Variants in WDR17 observed in about 807,000 individuals in gnomAD.
The protein encoded by WDR17 is WD repeat-containing protein 17.
Under a neutral mutation model 161.7 loss-of-function variants are expected in WDR17, and 143 were observed. That is an observed-to-expected ratio of 0.88 (90% confidence interval 0.77 to 1.02). The LOEUF (loss-of-function observed/expected upper bound fraction) is 1.02. Among genes scored for constraint, WDR17 ranks in the 50% least tolerant of loss-of-function variants. The pLI is 0.00. For missense variants in WDR17, 1,469 were observed against 1,520.9 expected (o/e 0.97, Z 0.57); for synonymous variants, 517 against 515.6 (o/e 1.00, Z -0.04).
intron 1 of WDR17, among the ~76,000 whole-genome samples, chr4:176,097,377 T>C (rs779283645): frequency 4.6e-5 from 7 of 152,012 alleles, no homozygotes; most frequent in Non-Finnish European, 1.0e-4. Flanking sequence ...TACAGTACTT[T>C]ATTTTTCTTT....
At chr4:176,083,877 A>G (rs989741318) in intron 1 of WDR17, among the ~76,000 whole-genome samples, 3 of 152,118 alleles carry the variant, frequency 2.0e-5, no homozygotes, top group Non-Finnish European at 4.4e-5. Flanking sequence ...GGAGGGCAGC[A>G]GTATCTCTTT....
At chr4:176,171,024 A>G (rs1460316816) in intron 23 of WDR17, among the ~76,000 whole-genome samples, 1 of 152,220 alleles carries the variant, frequency 6.6e-6, no homozygotes, top group Non-Finnish European at 1.5e-5. Flanking sequence ...CACAAAGCCT[A>G]TTTCATAATA....
At chr4:176,120,132 A>G (rs2126720796) in intron 4 of WDR17, 35 bp downstream of exon 4, 2 of 1,503,892 alleles carry the variant, frequency 1.3e-6, no homozygotes, top group East Asian at 4.6e-5. Flanking sequence ...CTTAAATAGT[A>G]TATTTTTCTT....
chr4:176,148,044 A>C, intron 12 of WDR17, 89 bp from the exon 13 acceptor site: 2 of 1,124,512 alleles, frequency 1.8e-6, no homozygotes, highest in South Asian at 4.1e-5. Context: ...TAAGCTAACA[A>C]ATAATTATTA....
At chr4:176,093,248 A>C (rs1736369216) in intron 1 of WDR17, among the ~76,000 whole-genome samples, 1 of 152,180 alleles carries the variant, frequency 6.6e-6, no homozygotes, top group Non-Finnish European at 1.5e-5. Context: ...TATTGTTAAA[A>C]TGTCTGTACT....
chr4:176,110,743 G>A (rs1739575802), intron 1 of WDR17, among the ~76,000 whole-genome samples: 1 of 152,108 alleles, frequency 6.6e-6, no homozygotes, highest in South Asian at 2.1e-4. Context: ...ATATAGTTCA[G>A]AAGCTGTATT....
Position 176,111,573 on chromosome 4 carries a change from A to G in WDR17, c.-6-2A>G. ...GACATTTCTTCAAATTTGTTTTTCA[A>G]GGCAAACATGTCCCAGGTAAGGCAA... On this transcript the variant is annotated splice_acceptor_variant, in intron 1 of 28. Transcript: ENST00000508596. LOFTEE classifies it low-confidence loss of function (5UTR_SPLICE). The G allele has an allele frequency of 6.3e-7, 1 of 1,596,072 alleles. No homozygotes were observed. Among genetic ancestry groups the G allele is most frequent in the South Asian group, 1.1e-5 (1 of 87,566 alleles).
chr4:176,143,370 A>G (rs1745602793), intron 11 of WDR17, among the ~76,000 whole-genome samples: 2 of 152,082 alleles, frequency 1.3e-5, no homozygotes, highest in Non-Finnish European at 2.9e-5. Context: ...TTCTCTGTCT[A>G]AATATTCATC....
At chr4:176,083,225 G>A (rs1734987132) in intron 1 of WDR17, among the ~76,000 whole-genome samples, 1 of 151,942 alleles carries the variant, frequency 6.6e-6, no homozygotes, top group Admixed American at 6.6e-5. Context: ...TAGGAATTTG[G>A]GTTAAATTTT....
chr4:176,173,760 C>G (rs1751080960), intron 25 of WDR17, among the ~76,000 whole-genome samples: 1 of 151,968 alleles, frequency 6.6e-6, no homozygotes, highest in Admixed American at 6.6e-5. Context: ...CGTGATCCAC[C>G]CACCTCGGCC....
chr4:176,135,827 A>T (rs768200057), intron 8 of WDR17, among the ~76,000 whole-genome samples: 3 of 151,602 alleles, frequency 2.0e-5, no homozygotes, highest in African/African-American at 7.2e-5. Context: ...TTATTTCCCC[A>T]TAACAAATAA....
At chr4:176,075,925 T>C (rs1015304714) in intron 1 of WDR17, among the ~76,000 whole-genome samples, 8 of 151,964 alleles carry the variant, frequency 5.3e-5, no homozygotes, top group African/African-American at 9.7e-5. Flanking sequence ...GAATGTGCTA[T>C]GATCGGGACA....
intron 1 of WDR17, among the ~76,000 whole-genome samples, chr4:176,098,770 TGC>T (rs1737313660): frequency 6.6e-6 from 1 of 151,998 alleles, no homozygotes; most frequent in Non-Finnish European, 1.5e-5. Flanking sequence ...ATGTATGATA[TGC>T]TTTTTATCTT....
At chr4:176,099,737 C>T (rs1737505923) in intron 1 of WDR17, among the ~76,000 whole-genome samples, 1 of 152,100 alleles carries the variant, frequency 6.6e-6, no homozygotes, top group Non-Finnish European at 1.5e-5. Flanking sequence ...CATCCACCCC[C>T]TCCCACTCCT....
At chr4:176,076,248 TATATATACAC>T (rs1337184957) in intron 1 of WDR17, among the ~76,000 whole-genome samples, 17 of 74,596 alleles carry the variant, frequency 2.3e-4, no homozygotes, top group African/African-American at 6.7e-4. Flanking sequence ...TATATATATA[TATATATACAC>T]ACACACACAC....
intron 15 of WDR17, 135 bp from the exon 16 acceptor site, chr4:176,150,333 A>C (rs906926461): frequency 3.5e-6 from 5 of 1,435,862 alleles, no homozygotes; most frequent in Non-Finnish European, 3.7e-6. Flanking sequence ...ACTAGAAACA[A>C]TACATGAGAT....
intron 10 of WDR17, among the ~76,000 whole-genome samples, chr4:176,141,671 G>T (rs1011513492): frequency 1.3e-5 from 2 of 152,090 alleles, no homozygotes; most frequent in Non-Finnish European, 2.9e-5. Context: ...GACCTCAAGT[G>T]ATCCACCCGC....
Position 176,160,987 on chromosome 4 carries a change from A to T in WDR17, c.2735A>T (p.Lys912Met). The T allele has an allele frequency of 1.2e-6, 2 of 1,609,394 alleles. No individual in the cohort carries two copies. The highest frequency in any genetic ancestry group is 1.7e-6 in the Non-Finnish European group (2 of 1,177,924). ...KGASYSDDIY[K>M]EDFNELLHKV... is the part of the protein sequence containing the mutation. ...GCTTCATATTCTGATGATATCTACA[A>T]GGAAGACTTTAATGAGTGAGTGATT... Residue 912 changes from lysine to methionine, a missense_variant, in exon 20 of 29, where the codon AAG becomes ATG. Physicochemically the swap from Lys to Met is moderately conservative, Grantham distance 95 (BLOSUM62 -1). Transcript: ENST00000508596.
chr4:176,168,694 C>T lies in WDR17; in HGVS notation c.3013C>T (p.Leu1005=), dbSNP rs79450754. ...CAGGAATTTGGCAGCTGATCTTCTT[C>T]TGATGATTCCTGATAATGAACTACA... ...SVWNLAADLL[L]MIPDNELHLI... The change falls in exon 23 of 29, where the codon CTG becomes TTG. Residue 1005 remains leucine (L), a synonymous_variant. Coordinates refer to ENST00000508596, the MANE Select transcript of WDR17 (RefSeq NM_181265.4). 1 of 1,613,468 alleles carries T rather than the reference C, an allele frequency of 6.2e-7. No homozygotes were observed. The highest frequency in any genetic ancestry group is 8.5e-7 in the Non-Finnish European group (1 of 1,179,712).
Sources: allele counts gnomAD v4.1 joint callset (sites outside exome capture counted in the v4.1 genomes callset), GRCh38; gene constraint gnomAD v4.1.1; transcripts MANE v1.5; gene names NCBI Gene and HGNC (gene_info 2026-07-23, HGNC 2026-07-21).